PCLO: variants seen among roughly 807,000 people sequenced by gnomAD.
PCLO encodes protein piccolo.
Under a neutral mutation model 427.5 loss-of-function variants are expected in PCLO, and 82 were observed. That is an observed-to-expected ratio of 0.19 (90% CI 0.16 to 0.23). The LOEUF (loss-of-function observed/expected upper bound fraction) is 0.23, where lower values mean the gene tolerates loss of function less well. PCLO is among the 10% of genes least tolerant of loss of function. The probability of loss-of-function intolerance (pLI) is 1.00; values close to 1 mark genes in which losing one functional copy is unlikely to be tolerated. For synonymous variants in PCLO, 2,357 were observed against 2,155.4 expected (o/e 1.09, Z -2.59); for missense variants, 6,239 against 6,115.9 (o/e 1.02, Z -0.67).
chr7:82,951,992 A>G lies in PCLO; in HGVS notation c.8961T>C (p.Ile2987=), dbSNP rs1476017526. ...CAGACATGGAAGGCTTCATTCCCCC[A>G]ATCCCTCTATAACCATATGGCCCTG... The part of the protein sequence containing the change: ...DRSGPYGYRG[I]GGMKPSMSDT... Residue 2987 remains isoleucine (I), a synonymous_variant, in exon 5 of 25, where the codon ATT becomes ATC. Transcript: ENST00000333891. 6.2e-7 allele frequency: 1 copy of G among 1,613,926 alleles called. No individual in the cohort carries two copies. The highest frequency in any genetic ancestry group is 8.5e-7 in the Non-Finnish European group (1 of 1,179,842).
Position 82,953,029 on chromosome 7 carries a change from A to G in PCLO, c.7924T>C (p.Ser2642Pro). 1 of 1,613,960 alleles carries G rather than the reference A, an allele frequency of 6.2e-7. No homozygotes were observed. The highest frequency in any genetic ancestry group is 1.1e-5 in the South Asian group (1 of 91,084). Residue 2642 changes from serine to proline, a missense_variant, in exon 5 of 25, where the codon TCT becomes CCT. Physicochemically the swap from Ser to Pro is moderately conservative, Grantham distance 74. Around this residue, in one of 5 missense-constraint regions of PCLO, gnomAD observed 4,677 missense variants for 4,468.4 expected, o/e 1.05. Transcript: ENST00000333891. ...PISSEQTFYI[S>P]GALQTFSATP... ...GCAGAAAATGTCTGTAAAGCTCCAG[A>G]GATGTAGAAGGTCTGTTCTGAAGAA...
chr7:82,977,437 G>C lies in PCLO; in HGVS notation c.3301-10950C>G, dbSNP rs879590437. Among the ~76,000 whole-genome samples, 36 of 146,476 alleles carry C rather than the reference G, an allele frequency of 2.5e-4. 1 individual carries two copies. Among genetic ancestry groups the C allele is most frequent in the Admixed American group, 2.4e-3 (35 of 14,454 alleles). On this transcript the variant is annotated intron_variant, in intron 3 of 24. Transcript: ENST00000333891. ...ATTTATTTATTTATTTTTGGAGATG[G>C]AGTTTTGCTCTTATTGCCCAGGCTG...
At chr7:83,131,866 T>C (rs886859906) in intron 3 of PCLO, among the ~76,000 whole-genome samples, 2 of 152,118 alleles carry the variant, frequency 1.3e-5, no homozygotes, top group African/African-American at 4.8e-5. Context: ...AACACTGACA[T>C]TGTACCATGA....
At chr7:82,966,757 C>T (rs961095529) in intron 3 of PCLO, among the ~76,000 whole-genome samples, 2 of 152,022 alleles carry the variant, frequency 1.3e-5, no homozygotes, top group African/African-American at 4.8e-5. Context: ...TTACATTAAA[C>T]GTGGACCCAG....
chr7:83,081,869 T>A (rs1299326639), intron 3 of PCLO, among the ~76,000 whole-genome samples: 1 of 151,812 alleles, frequency 6.6e-6, no homozygotes, highest in African/African-American at 2.4e-5. Context: ...TGATACCATA[T>A]AATACCTAGA....
intron 3 of PCLO, among the ~76,000 whole-genome samples, chr7:83,101,187 C>CATAATCAATT (rs1164000076): frequency 6.6e-6 from 1 of 151,822 alleles, no homozygotes; most frequent in East Asian, 1.9e-4. Context: ...AAAAAAGGAA[C>CATAATCAATT]ATAATCAATT....
chr7:82,893,213 C>A (rs943883740), intron 9 of PCLO, among the ~76,000 whole-genome samples: 1 of 152,102 alleles, frequency 6.6e-6, no homozygotes, highest in Admixed American at 6.5e-5. Flanking sequence ...GAAAATGTGG[C>A]ACATATACAC....
chr7:82,825,371 C>T (rs1391256240), intron 18 of PCLO, among the ~76,000 whole-genome samples: 1 of 151,960 alleles, frequency 6.6e-6, no homozygotes, highest in Non-Finnish European at 1.5e-5. Context: ...ATCTAGAGTA[C>T]TCCTGCCTAG....
intron 16 of PCLO, among the ~76,000 whole-genome samples, chr7:82,833,421 G>A (rs1191036883): frequency 6.6e-6 from 1 of 152,006 alleles, no homozygotes; most frequent in Non-Finnish European, 1.5e-5. Flanking sequence ...GTTCACGCAC[G>A]ACCCAGACCT....
At chr7:83,159,379 A>T (rs1792378088) in intron 1 of PCLO, among the ~76,000 whole-genome samples, 1 of 152,048 alleles carries the variant, frequency 6.6e-6, no homozygotes, top group African/African-American at 2.4e-5. Flanking sequence ...TAATCAGAGA[A>T]TTTTTTTCAA....
chr7:82,915,963 C>A lies in PCLO; in HGVS notation c.12023G>T (p.Ser4008Ile). 6.2e-7 allele frequency: 1 copy of A among 1,612,950 alleles called. No homozygotes were observed. Among genetic ancestry groups the A allele is most frequent in the Non-Finnish European group, 8.5e-7 (1 of 1,179,772 alleles). ...AVSHLGSKYN[S>I]LDLRIGLEER... ...CTCCAAACCTATTCTCAAGTCTAAA[C>A]TATTGTACTTACTACCAAGATGGGA... Residue 4008 changes from serine (S) to isoleucine (I), a missense_variant, in exon 7 of 25, where the codon AGT becomes ATT. Coordinates refer to ENST00000333891, the MANE Select transcript of PCLO (RefSeq NM_033026.6).
intron 3 of PCLO, among the ~76,000 whole-genome samples, chr7:83,053,093 C>T (rs1321806063): frequency 6.6e-6 from 1 of 151,954 alleles, no homozygotes; most frequent in African/African-American, 2.4e-5. Flanking sequence ...TTTGGCATTA[C>T]AGATTTACGT....
chr7:83,038,203 CAT>C (rs75153415), intron 3 of PCLO, among the ~76,000 whole-genome samples: 22,336 of 144,508 alleles, frequency 0.15, 2,459 homozygotes, highest in East Asian at 0.52. Context: ...CATACACACA[CAT>C]ATATGTGTTT....
chr7:82,931,130 A>G (rs62458562), intron 6 of PCLO, among the ~76,000 whole-genome samples: 22,747 of 152,112 alleles, frequency 0.15, 2,779 homozygotes, highest in African/African-American at 0.33. Context: ...TCATTATTTT[A>G]CTTATATTAA....
At chr7:82,825,256 C>T (rs144901472) in intron 18 of PCLO, among the ~76,000 whole-genome samples, 31 of 151,896 alleles carry the variant, frequency 2.0e-4, no homozygotes, top group African/African-American at 7.2e-4. Flanking sequence ...GAAAACCAGA[C>T]CAATGGATAT....
chr7:83,108,013 GGAAA>G (rs1214283322), intron 3 of PCLO, among the ~76,000 whole-genome samples: 1 of 136,852 alleles, frequency 7.3e-6, no homozygotes, highest in Middle Eastern at 3.7e-3. Context: ...AAAAAAAAAA[GGAAA>G]GGAAGAAAGA....
intron 3 of PCLO, among the ~76,000 whole-genome samples, chr7:82,981,735 A>T (rs1408813262): frequency 6.6e-6 from 1 of 152,048 alleles, no homozygotes; most frequent in East Asian, 1.9e-4. Context: ...TGGATATTAC[A>T]TTGCTTCATC....
intron 6 of PCLO, among the ~76,000 whole-genome samples, chr7:82,921,120 T>C (rs1413846617): frequency 1.3e-5 from 2 of 151,822 alleles, no homozygotes; most frequent in Non-Finnish European, 3.0e-5. Flanking sequence ...TGGGAAATTA[T>C]TGTTTGAAGA....
intron 22 of PCLO, among the ~76,000 whole-genome samples, chr7:82,772,255 T>C (rs1790662518): frequency 1.3e-5 from 2 of 152,178 alleles, no homozygotes; most frequent in Admixed American, 6.5e-5. Context: ...GCTTGTCCCA[T>C]GCCACTAAGC....
Sources: allele counts gnomAD v4.1 joint callset (sites outside exome capture counted in the v4.1 genomes callset), GRCh38; gene constraint gnomAD v4.1.1; regional missense constraint gnomAD v4.1.1; transcripts MANE v1.5; gene names NCBI Gene and HGNC (gene_info 2026-07-23, HGNC 2026-07-21).